The following SH3TC1 variants were observed in gnomAD, a reference collection of about 807,000 sequenced individuals.
SH3TC1 encodes SH3 domain and tetratricopeptide repeats 1.
In SH3TC1, 135 loss-of-function variants were observed where a neutral mutation model predicts 117.3. The observed-to-expected ratio is 1.15, with a 90% CI of 1.00 to 1.33. The LOEUF is 1.33. SH3TC1 is among the 40% of genes most tolerant of loss of function. The pLI is 0.00. For missense variants in SH3TC1, 2,092 were observed against 1,794.3 expected, an observed-to-expected ratio of 1.17 and a Z score of -3.00; for synonymous variants, 898 against 816.9, an observed-to-expected ratio of 1.10 and a Z score of -1.69.
intron 1 of SH3TC1, among the ~76,000 whole-genome samples, chr4:8,191,862 G>T (rs928423955): frequency 1.3e-4 from 20 of 152,274 alleles, no homozygotes; most frequent in African/African-American, 4.8e-4. Flanking sequence ...TATACAGGAG[G>T]AATCGGAGGC....
Position 8,237,604 on chromosome 4 carries a change from CGAG to C in SH3TC1, c.3691_3693del (p.Glu1231del), listed in dbSNP as rs1560118909. On this transcript the variant is annotated inframe_deletion, in exon 17 of 18. Coordinates refer to ENST00000245105, the MANE Select transcript of SH3TC1 (RefSeq NM_018986.5). Reference sequence around the variant, plus strand: ...TCTGCAACTCGCCGCTGGAGTTTGACGAGGAGACCCTCTACTACGTGAAGGTGT... The same window carrying C: ...TCTGCAACTCGCCGCTGGAGTTTGACGAGACCCTCTACTACGTGAAGGTGT... The C allele has an allele frequency of 2.5e-6, 4 of 1,612,546 alleles. No individual in the cohort carries two copies. In the South Asian group the frequency reaches 4.4e-5, roughly 18 times the overall value.
intron 1 of SH3TC1, chr4:8,201,647 GAGA>G (rs1450762705): frequency 5.3e-5 from 8 of 152,342 alleles, no homozygotes; most frequent in African/African-American, 1.9e-4. Context: ...GGACGCTGTG[GAGA>G]AGGAGCTCAC....
Position 8,209,191 on chromosome 4 carries a change from C to T in SH3TC1, c.173-557C>T, listed in dbSNP as rs547173531. 2.6e-4 allele frequency among the ~76,000 whole-genome samples: 40 copies of T among 152,340 alleles called. No individual in the cohort carries two copies. Among genetic ancestry groups the T allele is most frequent in the Non-Finnish European group, 5.4e-4 (37 of 68,040 alleles). ...CCCACGACCTACGCCTGCATTACCTCATCCAGCAAAGGGGACTTTGCAGAT... is the reference window on the plus strand; with the variant it reads ...CCCACGACCTACGCCTGCATTACCTTATCCAGCAAAGGGGACTTTGCAGAT... On this transcript the variant is annotated intron_variant, in intron 2 of 17. Transcript: ENST00000245105. The surrounding 1 kb of genome is among the most constrained non-coding windows in gnomAD (Gnocchi z 5.9).
At chr4:8,234,629 A>G (rs1004547739) in intron 14 of SH3TC1, among the ~76,000 whole-genome samples, 4 of 152,004 alleles carry the variant, frequency 2.6e-5, no homozygotes, top group Non-Finnish European at 5.9e-5. Context: ...CTGCTCATCC[A>G]TTTATCCATC....
chr4:8,228,652 C>T lies in SH3TC1; in HGVS notation c.2950+8C>T, dbSNP rs1182429185. 2 of 1,467,702 alleles carry T rather than the reference C, an allele frequency of 1.4e-6. No homozygotes were observed. The highest frequency in any genetic ancestry group is 2.5e-5 in the Admixed American group (1 of 40,628). 90.9% of individuals were successfully genotyped at this position (1,467,702 alleles called of 1,614,324 possible). A position where few individuals can be genotyped will look rare whatever the true frequency, so the allele number is the denominator to read the frequency against. On this transcript the variant is annotated splice_region_variant and intron_variant, in intron 12 of 17. Coordinates refer to ENST00000245105, the MANE Select transcript of SH3TC1 (RefSeq NM_018986.5). ...AGATGGGCCACGTGGAGAGTGAGTG[C>T]CCCAGTTCCTTCTGTGTGCCTTCCG...
chr4:8,239,300 A>AGC (rs1722105461), intron 17 of SH3TC1, among the ~76,000 whole-genome samples: 1 of 135,614 alleles, frequency 7.4e-6, no homozygotes, highest in Non-Finnish European at 1.6e-5. Flanking sequence ...TGCACACATG[A>AGC]GCACACACAG....
rs185464785 is a variant in SH3TC1, at chr4:8,226,249, G to T, written c.1286-731G>T. Among the ~76,000 whole-genome samples, 402 of 152,314 alleles carry T rather than the reference G, an allele frequency of 2.6e-3. 1 individual carries two copies. Among genetic ancestry groups the T allele is most frequent in the African/African-American group, 9.0e-3 (375 of 41,556 alleles). On this transcript the variant is annotated intron_variant, in intron 11 of 17. Coordinates refer to ENST00000245105, the MANE Select transcript of SH3TC1 (RefSeq NM_018986.5). ...ACCTCTGGGAGGGGGCTTTGGCTGG[G>T]AATCCACCAAAGCCAGCAGGCGCCA...
At chr4:8,238,848 A>G (rs1045647207) in intron 17 of SH3TC1, among the ~76,000 whole-genome samples, 1 of 152,152 alleles carries the variant, frequency 6.6e-6, no homozygotes, top group Admixed American at 6.5e-5. Context: ...CTGAGAGGCC[A>G]AAGTCCATGG....
At chr4:8,201,999 C>T (rs757023300) in intron 1 of SH3TC1, among the ~76,000 whole-genome samples, 7 of 152,302 alleles carry the variant, frequency 4.6e-5, no homozygotes, top group East Asian at 1.9e-4. Context: ...GTCAGGCGTT[C>T]GGAGCGAAAG....
Position 8,223,103 on chromosome 4 carries a change from G to A in SH3TC1, c.1243+133G>A, listed in dbSNP as rs1426931400. The A allele has an allele frequency of 3.1e-6, 4 of 1,279,644 alleles. No individual in the cohort carries two copies. The Admixed American group carries it at 1.0e-4, about 33-fold the overall frequency. 79.3% of individuals were successfully genotyped at this position (1,279,644 alleles called of 1,614,324 possible). A position where few individuals can be genotyped will look rare whatever the true frequency, so the allele number is the denominator to read the frequency against. On this transcript the variant is annotated intron_variant, in intron 10 of 17. Coordinates refer to ENST00000245105, the MANE Select transcript of SH3TC1 (RefSeq NM_018986.5). Reference sequence around the variant, plus strand: ...AGGTGAACAGACAGAGGCTGCCGCTGCCTCCAGGGCACATAGGGGCTGCAG... The same window carrying A: ...AGGTGAACAGACAGAGGCTGCCGCTACCTCCAGGGCACATAGGGGCTGCAG...
intron 16 of SH3TC1, 85 bp downstream of exon 16, chr4:8,236,513 G>C: frequency 1.4e-6 from 2 of 1,403,696 alleles, no homozygotes; most frequent in Non-Finnish European, 9.3e-7. Flanking sequence ...AGCCGAAACA[G>C]CTGCCGGATT....
chr4:8,188,817 A>G (rs1717316691), intron 1 of SH3TC1, among the ~76,000 whole-genome samples: 1 of 152,204 alleles, frequency 6.6e-6, no homozygotes, highest in Non-Finnish European at 1.5e-5. Context: ...TGGCCCAACA[A>G]GGGGCTGCTG....
intron 3 of SH3TC1, among the ~76,000 whole-genome samples, chr4:8,212,436 G>T (rs947406991): frequency 6.6e-6 from 1 of 152,186 alleles, no homozygotes; most frequent in East Asian, 1.9e-4. Context: ...GCCTGCAGGG[G>T]ACATGAGTCC....
upstream of SH3TC1, among the ~76,000 whole-genome samples, chr4:8,196,217 G>A (rs568213477): frequency 5.9e-5 from 9 of 152,292 alleles, no homozygotes; most frequent in East Asian, 7.7e-4. This position sits in a 1 kb window ranked among gnomAD's most constrained non-coding sequence, Gnocchi z 4.6. Context: ...CAGATCTCAC[G>A]TCCCCACCCG....
intron 5 of SH3TC1, among the ~76,000 whole-genome samples, chr4:8,214,897 G>A (rs1206054711): frequency 6.6e-6 from 1 of 152,176 alleles, no homozygotes; most frequent in Non-Finnish European, 1.5e-5. Context: ...TGTTGACCAA[G>A]CTGATCTCAA....
rs946684259 is a variant in SH3TC1 at position 8,219,436 on chromosome 4, C to T, written c.1018C>T (p.Pro340Ser). Residue 340 changes from proline to serine, a missense_variant, in exon 9 of 18, where the codon CCC becomes TCC. Pro to Ser is a moderately conservative substitution (Grantham distance 74). Transcript: ENST00000245105. ...DLIEILGAQV[P>S]SLPWCVGRHA... ...CATCGAGATCCTTGGGGCGCAGGTG[C>T]CCAGCCTGCCCTGGTGCGTGGGCCG... 1.2e-6 allele frequency: 2 copies of T among 1,611,112 alleles called. No individual in the cohort carries two copies. Among genetic ancestry groups the T allele is most frequent in the Non-Finnish European group, 8.5e-7 (1 of 1,178,528 alleles).
chr4:8,218,906 T>C (rs1488334586), intron 8 of SH3TC1, among the ~76,000 whole-genome samples: 1 of 151,836 alleles, frequency 6.6e-6, no homozygotes, highest in African/African-American at 2.4e-5. Flanking sequence ...CCTGTGCACC[T>C]GTCAGAGCTG....
Position 8,190,047 on chromosome 4 carries a change from C to A in SH3TC1, c.-57+7837C>A, listed in dbSNP as rs1254363491. ...GGAGCGCGGCGTGGGTGCGTTGATG[C>A]GAGGCCAGGAAGTAGGGCCTGGAAA... On this transcript the variant is annotated intron_variant, in intron 1 of 16. Coordinates refer to the SH3TC1 transcript ENST00000508641. This position sits in a 1 kb window ranked among gnomAD's most constrained non-coding sequence, Gnocchi z 4.7. Among the ~76,000 whole-genome samples the A allele has an allele frequency of 2.0e-5, 3 of 152,148 alleles. No individual in the cohort carries two copies. Among genetic ancestry groups the A allele is most frequent in the Non-Finnish European group, 4.4e-5 (3 of 68,020 alleles).
At chr4:8,198,907 G>A (rs868568040), upstream of SH3TC1, among the ~76,000 whole-genome samples, 5 of 151,254 alleles carry the variant, frequency 3.3e-5, 1 homozygote, top group South Asian at 4.1e-4. Flanking sequence ...ATGCACATGC[G>A]TGTGTGTGTG....
Sources: gnomAD v4.1 joint callset for allele counts (sites outside exome capture counted in the v4.1 genomes callset) on GRCh38, gnomAD v4.1.1 for gene constraint, Gnocchi (gnomAD v3.1) non-coding constraint, MANE v1.5 for transcripts, NCBI Gene and HGNC (gene_info 2026-07-23, HGNC 2026-07-21) for gene names.